The following ARHGAP39 variants were observed in gnomAD, a reference collection of about 807,000 sequenced individuals.
The protein encoded by ARHGAP39 is Rho GTPase activating protein 39.
Under a neutral mutation model 106.9 loss-of-function variants are expected in ARHGAP39, and 44 were observed. That is an observed-to-expected ratio of 0.41 (90% CI 0.32 to 0.53). The LOEUF (loss-of-function observed/expected upper bound fraction) is 0.53. Among genes scored for constraint, ARHGAP39 ranks in the 20% least tolerant of loss-of-function variants. The pLI is 0.21. For missense variants in ARHGAP39, 1,496 were observed against 1,577.3 expected, an observed-to-expected ratio of 0.95 and a Z score of 0.87; for synonymous variants, 768 against 693.2, an observed-to-expected ratio of 1.11 and a Z score of -1.69.
At chr8:144,633,900 C>T (rs565581129) in intron 1 of ARHGAP39, among the ~76,000 whole-genome samples, 82 of 152,238 alleles carry the variant, frequency 5.4e-4, no homozygotes, top group Admixed American at 9.8e-4. Context: ...AAAGCTGCCT[C>T]TCCACATGAG....
intron 7 of ARHGAP39, 61 bp from the exon 8 acceptor site, chr8:144,534,263 G>A (rs1816862395): frequency 6.3e-7 from 1 of 1,589,046 alleles, no homozygotes; most frequent in South Asian, 1.1e-5. Flanking sequence ...GCCAGGAGAG[G>A]GGTGAGCAGA....
intron 3 of ARHGAP39, among the ~76,000 whole-genome samples, chr8:144,580,548 G>T (rs1818932857): frequency 6.6e-6 from 1 of 152,134 alleles, no homozygotes; most frequent in South Asian, 2.1e-4. Flanking sequence ...CACTCGCGGG[G>T]ACACTGAGTC....
At chr8:144,614,300 A>G (rs1228428711) in intron 1 of ARHGAP39, among the ~76,000 whole-genome samples, 26 of 151,484 alleles carry the variant, frequency 1.7e-4, no homozygotes. Context: ...TGGATGCCAG[A>G]CATTATGAAT....
chr8:144,686,917 C>T, upstream of ARHGAP39, among the ~76,000 whole-genome samples: 1 of 138,256 alleles, frequency 7.2e-6, no homozygotes. Context: ...CCCGTGACCA[C>T]ACACTGGCGG....
rs200808577 is a variant in ARHGAP39, at chr8:144,533,108, C to T, written c.2888+18G>A. ...TGGCTGTGGCCCCCACACCCGGCGC[C>T]CGGGGTTGCCGTGGCACCTGAAGAT... On this transcript the variant is annotated intron_variant, in intron 9 of 11. Transcript: ENST00000377307. The T allele has an allele frequency of 3.3e-5, 52 of 1,592,216 alleles. No homozygotes were observed. The highest frequency in any genetic ancestry group is 4.3e-5 in the Non-Finnish European group (50 of 1,170,832).
At position 144,530,807 on chromosome 8, in the gene ARHGAP39, C is replaced by T. The variant is rs1238800571; in HGVS notation, c.3045G>A (p.Glu1015=). Residue 1015 remains glutamate, a synonymous_variant, in exon 11 of 12, where the codon GAG becomes GAA. Coordinates refer to ENST00000377307, the MANE Select transcript of ARHGAP39 (RefSeq NM_025251.3). ...GGCTGTCGTAGTGCGCGATGCACTG[C>T]TCGTAGAACTCGTGCGGGATCAGGG... ...EEPLIPHEFY[E]QCIAHYDSPE... 9.9e-6 allele frequency: 16 copies of T among 1,611,984 alleles called. No individual in the cohort carries two copies. The highest frequency in any genetic ancestry group is 1.3e-5 in the African/African-American group (1 of 75,044).
chr8:144,570,833 A>G (rs1818561563), intron 3 of ARHGAP39, among the ~76,000 whole-genome samples: 1 of 152,246 alleles, frequency 6.6e-6, no homozygotes, highest in African/African-American at 2.4e-5. Flanking sequence ...ACAAACTACC[A>G]TCAGAGAATA....
chr8:144,600,517 C>A (rs1483758507), intron 2 of ARHGAP39, among the ~76,000 whole-genome samples: 3 of 123,516 alleles, frequency 2.4e-5, no homozygotes, highest in Non-Finnish European at 5.0e-5. Context: ...CCTGCGTGTG[C>A]GTGGAGGCGT....
chr8:144,570,847 T>C (rs1331373409), intron 3 of ARHGAP39, among the ~76,000 whole-genome samples: 4 of 152,138 alleles, frequency 2.6e-5, no homozygotes, highest in South Asian at 4.1e-4. Context: ...GAGAATACTA[T>C]AAACACCTCT....
chr8:144,698,653 C>T, the ARHGAP39 span: 1 of 301,022 alleles, frequency 3.3e-6, no homozygotes, highest in Admixed American at 4.6e-5. Flanking sequence ...TTTGGCTCAG[C>T]TTTAGTATTT....
chr8:144,544,891 G>A (rs376174271), intron 6 of ARHGAP39, among the ~76,000 whole-genome samples: 2 of 152,272 alleles, frequency 1.3e-5, no homozygotes, highest in African/African-American at 4.8e-5. Context: ...AGGCAAGTGC[G>A]GCAGGCACAC....
chr8:144,553,003 T>C (rs1817776906), intron 4 of ARHGAP39, among the ~76,000 whole-genome samples: 1 of 152,160 alleles, frequency 6.6e-6, no homozygotes, highest in African/African-American at 2.4e-5. Flanking sequence ...ACTGTTCTGC[T>C]CTCAGCCCCT....
At chr8:144,605,451 T>C in intron 2 of ARHGAP39, 84 bp downstream of exon 2, 3 of 1,415,898 alleles carry the variant, frequency 2.1e-6, no homozygotes, top group Admixed American at 1.7e-5. Flanking sequence ...GAATCCTGCA[T>C]GCACACTGCT....
At chr8:144,662,900 G>A (rs1050589632) in intron 1 of ARHGAP39, among the ~76,000 whole-genome samples, 1 of 135,096 alleles carries the variant, frequency 7.4e-6, no homozygotes, top group East Asian at 2.3e-4. Context: ...TCCACCTCGG[G>A]CCTATCCCCC....
At chr8:144,636,980 T>C (rs1480453941) in intron 1 of ARHGAP39, among the ~76,000 whole-genome samples, 1 of 152,226 alleles carries the variant, frequency 6.6e-6, no homozygotes, top group East Asian at 1.9e-4. Flanking sequence ...GCAATCTGTG[T>C]CTTTCTGGAA....
At chr8:144,552,466 A>C (rs1048108138) in intron 4 of ARHGAP39, among the ~76,000 whole-genome samples, 7 of 152,348 alleles carry the variant, frequency 4.6e-5, no homozygotes, top group South Asian at 2.1e-4. Flanking sequence ...AAATACAGAC[A>C]CAGTTATACT....
At position 144,668,427 on chromosome 8, in the gene ARHGAP39, G is replaced by A. The variant is rs75720857; in HGVS notation, c.-82+17259C>T. On this transcript the variant is annotated intron_variant, in intron 1 of 11. Coordinates refer to ENST00000377307, the MANE Select transcript of ARHGAP39 (RefSeq NM_025251.3). ...CTGCACTCCATCATGGGTGGTGACA[G>A]AGTGAGACTGTCTCAAAACAAAACA... Among the ~76,000 whole-genome samples, 1,474 of 152,268 alleles carry A rather than the reference G, an allele frequency of 9.7e-3. 26 individuals carry two copies. Among genetic ancestry groups the A allele is most frequent in the African/African-American group, 0.032 (1,339 of 41,546 alleles).
intron 1 of ARHGAP39, among the ~76,000 whole-genome samples, chr8:144,608,233 G>T (rs1195412575): frequency 6.6e-6 from 1 of 151,666 alleles, no homozygotes; most frequent in Non-Finnish European, 1.5e-5. Flanking sequence ...TTGTTTGAGA[G>T]GAAACAGGTG....
At chr8:144,590,101 C>A (rs1819334669) in intron 2 of ARHGAP39, among the ~76,000 whole-genome samples, 1 of 152,354 alleles carries the variant, frequency 6.6e-6, no homozygotes, top group Middle Eastern at 3.4e-3. Context: ...ACCAGGGACA[C>A]CACATGGCAC....
Sources: allele counts gnomAD v4.1 joint callset (sites outside exome capture counted in the v4.1 genomes callset), GRCh38; gene constraint gnomAD v4.1.1; transcripts MANE v1.5; gene names NCBI Gene and HGNC (gene_info 2026-07-23, HGNC 2026-07-21).